PRDM10: variants seen among roughly 807,000 people sequenced by gnomAD.
The protein encoded by PRDM10 is PR/SET domain 10, also known as PR domain zinc finger protein 10.
PRDM10 carries 65 observed loss-of-function variants against 133.1 expected under a neutral mutation model. That is an observed-to-expected ratio of 0.49 (90% CI 0.40 to 0.60). The LOEUF is 0.60. Among genes scored for constraint, PRDM10 ranks in the 20% least tolerant of loss-of-function variants. The pLI, the probability that PRDM10 is intolerant of heterozygous loss-of-function variation, is 0.00. For synonymous variants in PRDM10, 582 were observed against 580.4 expected (o/e 1.00, Z -0.04); for missense variants, 1,137 against 1,507.1 (o/e 0.75, Z 4.07).
intron 1 of PRDM10, among the ~76,000 whole-genome samples, chr11:129,991,853 G>A (rs867372607): frequency 6.6e-6 from 1 of 150,598 alleles, no homozygotes; most frequent in African/African-American, 2.4e-5. Context: ...CCTGGTGGCG[G>A]GTGCCTGTAA....
Position 129,923,279 on chromosome 11 carries a change from A to G in PRDM10, c.2003T>C (p.Phe668Ser). Residue 668 changes from phenylalanine to serine, a missense_variant, in exon 13 of 21, where the codon TTC (phenylalanine) becomes TCC (serine). Around this residue, in one of 6 missense-constraint regions of PRDM10, gnomAD observed 78 missense variants for 96.4 expected, o/e 0.81. Coordinates refer to ENST00000360871, the MANE Select transcript of PRDM10 (RefSeq NM_199437.2). This position sits in a 1 kb window ranked among gnomAD's most constrained non-coding sequence, Gnocchi z 4.4. ...HMLRHSDRKD[F>S]LCSTCGKQFK... is the part of the protein sequence containing the mutation. ...TTGCTTCCCACAGGTGGAACACAGG[A>G]AGTCTTTGCGGTCCGAATGCCGGAG... The G allele has an allele frequency of 6.3e-7, 1 of 1,594,930 alleles. No homozygotes were observed. The highest frequency in any genetic ancestry group is 8.5e-7 in the Non-Finnish European group (1 of 1,169,996).
At chr11:129,959,055 C>T (rs142823177) in intron 2 of PRDM10, among the ~76,000 whole-genome samples, 3 of 152,302 alleles carry the variant, frequency 2.0e-5, no homozygotes, top group African/African-American at 7.2e-5. Context: ...CGAAGTCACG[C>T]ACTCTTAGGG....
rs539291055 is a variant in PRDM10, at chr11:130,001,232, A to G, written c.-119+1490T>C. On this transcript the variant is annotated intron_variant, in intron 1 of 20. Transcript: ENST00000360871. ...TGTTTTCTCTATTCTAGAACAACAA[A>G]TAAGTACTGCTCATCAAAGTGGAAG... 5.3e-5 allele frequency among the ~76,000 whole-genome samples: 8 copies of G among 152,330 alleles called. No homozygotes were observed. In the South Asian group the frequency reaches 6.2e-4, roughly 12 times the overall value.
At chr11:129,911,423 C>A (rs1331289255) in intron 18 of PRDM10, among the ~76,000 whole-genome samples, 1 of 152,226 alleles carries the variant, frequency 6.6e-6, no homozygotes, top group Non-Finnish European at 1.5e-5. Context: ...CTCCTGATAA[C>A]AGGATGAGGC....
intron 17 of PRDM10, among the ~76,000 whole-genome samples, chr11:129,914,088 G>A (rs1042790080): frequency 4.6e-5 from 7 of 151,890 alleles, no homozygotes; most frequent in African/African-American, 1.5e-4. Flanking sequence ...TGCAACCTCC[G>A]CCTCCCAGGT....
chr11:129,998,782 T>G (rs560053799), intron 1 of PRDM10, among the ~76,000 whole-genome samples: 1 of 151,536 alleles, frequency 6.6e-6, no homozygotes, highest in East Asian at 1.9e-4. Flanking sequence ...GCCAGAGTGC[T>G]CCACACAAGT....
intron 1 of PRDM10, among the ~76,000 whole-genome samples, chr11:129,977,610 T>C: frequency 6.6e-6 from 1 of 152,104 alleles, no homozygotes. Context: ...CACTAAGAAG[T>C]AAACTAAACG....
intron 1 of PRDM10, among the ~76,000 whole-genome samples, chr11:129,989,210 G>T (rs1024198980): frequency 1.3e-5 from 2 of 152,030 alleles, no homozygotes; most frequent in Non-Finnish European, 2.9e-5. Flanking sequence ...GAGGCTGAGG[G>T]GGGATGATGG....
chr11:129,925,590 C>G (rs189974457), intron 11 of PRDM10, among the ~76,000 whole-genome samples: 2 of 152,148 alleles, frequency 1.3e-5, no homozygotes, highest in Non-Finnish European at 2.9e-5. Context: ...GAGGAAAAGA[C>G]TTAGGTTAAG....
intron 1 of PRDM10, among the ~76,000 whole-genome samples, chr11:129,965,652 T>G (rs1414710661): frequency 6.6e-6 from 1 of 152,146 alleles, no homozygotes; most frequent in African/African-American, 2.4e-5. Flanking sequence ...CTATTTTCTC[T>G]CTAATGATTG....
At chr11:129,953,601 A>AG (rs1399216573) in intron 4 of PRDM10, among the ~76,000 whole-genome samples, 29 of 152,130 alleles carry the variant, frequency 1.9e-4, no homozygotes, top group African/African-American at 7.0e-4. Context: ...GTTTTTTAAG[A>AG]GAAAACATAT....
chr11:129,921,391 G>A (rs967068087), intron 13 of PRDM10, among the ~76,000 whole-genome samples: 5 of 152,166 alleles, frequency 3.3e-5, no homozygotes, highest in Admixed American at 1.3e-4. Context: ...AAAGGCCCAA[G>A]GAGAGAGAGT....
intron 18 of PRDM10, 28 bp downstream of exon 18, chr11:129,912,057 C>T: frequency 6.4e-7 from 1 of 1,565,490 alleles, no homozygotes; most frequent in Non-Finnish European, 8.7e-7. Context: ...CATGATAACA[C>T]CTCCAAATAG....
Position 129,923,678 on chromosome 11 carries a change from GA to G in PRDM10, c.1879-276del, listed in dbSNP as rs1174406927. ...AGAGAGAGAGAGAGAGAGAGAGAGA[GA>G]GAGAGAGAGAGAGAGTGCTTGCTTG... On this transcript the variant is annotated intron_variant, in intron 12 of 20. Coordinates refer to ENST00000360871, the MANE Select transcript of PRDM10 (RefSeq NM_199437.2). The surrounding 1 kb of genome is among the most constrained non-coding windows in gnomAD (Gnocchi z 4.4). Among the ~76,000 whole-genome samples, 1 of 151,574 alleles carries G rather than the reference GA, an allele frequency of 6.6e-6. No homozygotes were observed. Among genetic ancestry groups the G allele is most frequent in the Non-Finnish European group, 1.5e-5 (1 of 67,958 alleles).
chr11:129,973,565 C>A (rs903603859), intron 1 of PRDM10, among the ~76,000 whole-genome samples: 25 of 152,088 alleles, frequency 1.6e-4, no homozygotes. Context: ...CATATTTACT[C>A]ATAATTAAAT....
intron 1 of PRDM10, among the ~76,000 whole-genome samples, chr11:129,978,104 T>G (rs977101869): frequency 2.0e-5 from 3 of 152,084 alleles, no homozygotes; most frequent in African/African-American, 7.2e-5. Flanking sequence ...GTTAAGCCAT[T>G]ATGGATGTGG....
At chr11:129,978,861 C>T (rs1443934567) in intron 1 of PRDM10, among the ~76,000 whole-genome samples, 1 of 152,176 alleles carries the variant, frequency 6.6e-6, no homozygotes, top group East Asian at 1.9e-4. Flanking sequence ...AAGAACTTTT[C>T]ATGTACCAAA....
rs1371432871 is a variant in PRDM10 at position 129,945,838 on chromosome 11, A to C, written c.521-826T>G. Among the ~76,000 whole-genome samples the C allele has an allele frequency of 5.9e-5, 9 of 152,236 alleles. No individual in the cohort carries two copies. On this transcript the variant is annotated intron_variant, in intron 5 of 20. Transcript: ENST00000360871. The surrounding 1 kb of genome is among the most constrained non-coding windows in gnomAD (Gnocchi z 4.2). ...TGCATGGTGACCTGGTTTAGGAAATAGTTATTTTTAATTTCTACAATTCTC... is the reference window on the plus strand; with the variant it reads ...TGCATGGTGACCTGGTTTAGGAAATCGTTATTTTTAATTTCTACAATTCTC...
At chr11:129,932,764 C>CT (rs957665920) in intron 9 of PRDM10, among the ~76,000 whole-genome samples, 46 of 148,034 alleles carry the variant, frequency 3.1e-4, no homozygotes, top group Middle Eastern at 3.5e-3. Flanking sequence ...CTTTAATGGA[C>CT]TTTTTTTTTT....
Sources: allele counts gnomAD v4.1 joint callset (sites outside exome capture counted in the v4.1 genomes callset), GRCh38; gene constraint gnomAD v4.1.1; regional missense constraint gnomAD v4.1.1; non-coding constraint Gnocchi (gnomAD v3.1); transcripts MANE v1.5; gene names NCBI Gene and HGNC (gene_info 2026-07-23, HGNC 2026-07-21).